SHANK1: variants seen among roughly 807,000 people sequenced by gnomAD.
The protein encoded by SHANK1 is SH3 and multiple ankyrin repeat domains protein 1.
SHANK1 carries 35 observed loss-of-function variants against 165.6 expected under a neutral mutation model. The observed-to-expected ratio is 0.21, with a 90% confidence interval of 0.16 to 0.28. SHANK1 has a LOEUF of 0.28. Among genes scored for constraint, SHANK1 ranks in the 10% least tolerant of loss-of-function variants. The pLI is 1.00. For synonymous variants in SHANK1, 1,428 were observed against 1,384.8 expected (o/e 1.03, Z -0.69); for missense variants, 2,681 against 3,036.4 (o/e 0.88, Z 2.75).
At position 50,697,373 on chromosome 19, in the gene SHANK1, G is replaced by C. The variant is rs1986775261; in HGVS notation, c.1937+216C>G. 6.6e-6 allele frequency among the ~76,000 whole-genome samples: 1 copy of C among 152,158 alleles called. No homozygotes were observed. Among genetic ancestry groups the C allele is most frequent in the Non-Finnish European group, 1.5e-5 (1 of 68,012 alleles). On this transcript the variant is annotated intron_variant, in intron 14 of 23. Transcript: ENST00000293441. The surrounding 1 kb of genome is among the most constrained non-coding windows in gnomAD (Gnocchi z 4.7). ...TGCCCTGACCACCCCGTTGTCTCTG[G>C]CTACCCCAGAGCTGGGCAGTCTTAG...
Position 50,703,549 on chromosome 19 carries a change from G to T in SHANK1, c.1504C>A (p.Arg502=). 6.4e-7 allele frequency: 1 copy of T among 1,552,584 alleles called. No homozygotes were observed. The change falls in exon 11 of 24, where the codon CGA becomes AGA. Residue 502 remains arginine, a synonymous_variant. Transcript: ENST00000293441. ...PRGARARSPS[R]GRHPEDAKRQ... ...TTGGCGTCCTCAGGGTGCCTCCCTC[G>T]GGATGGAGAGCGGGCCCTGGCACCC...
Position 50,668,125 on chromosome 19 carries a change from C to A in SHANK1, c.3835G>T (p.Gly1279Cys). 1 of 1,475,632 alleles carries A rather than the reference C, an allele frequency of 6.8e-7. No homozygotes were observed. Among genetic ancestry groups the A allele is most frequent in the Non-Finnish European group, 8.9e-7 (1 of 1,119,296 alleles). 91.4% of individuals were successfully genotyped at this position (1,475,632 alleles called of 1,614,324 possible). ...GATTTGGAGTGGCGCAGCCGCGGGC[C>A]CGGGGCCGCCCCTGTGCCCAGCCCG... ...DGGLGTGAAP[G>C]PRLRHSKSID... is the part of the protein sequence containing the mutation. The change falls in exon 23 of 24, where the codon GGC becomes TGC. Residue 1279 changes from glycine to cysteine, a missense_variant. Gly to Cys is a radical substitution (Grantham distance 159, BLOSUM62 -3). Around this residue, in one of 10 missense-constraint regions of SHANK1, gnomAD observed 1,713 missense variants for 1,630.2 expected, o/e 1.05. Transcript: ENST00000293441.
intron 8 of SHANK1, among the ~76,000 whole-genome samples, chr19:50,706,404 A>G (rs1196011766): frequency 6.6e-6 from 1 of 151,806 alleles, no homozygotes; most frequent in Non-Finnish European, 1.5e-5. Context: ...ACCCATCATC[A>G]CTTTTTGGGC....
Position 50,669,065 on chromosome 19 carries a change from G to A in SHANK1, c.2895C>T (p.Ser965=), listed in dbSNP as rs1263859323. 1.8e-6 allele frequency: 2 copies of A among 1,119,286 alleles called. No individual in the cohort carries two copies. Among genetic ancestry groups the A allele is most frequent in the East Asian group, 2.6e-5 (1 of 37,856 alleles). 69.3% of individuals were successfully genotyped at this position (1,119,286 alleles called of 1,614,324 possible). ...NPGSGGPLPA[S]SPASFDGPSP... ...AGGGCCCGTCAAAGGATGCAGGGGA[G>A]GAGGCGGGGAGGGGGCCACCAGAGC... The change falls in exon 23 of 24, where the codon TCC becomes TCT. Residue 965 remains serine, a synonymous_variant. Transcript: ENST00000293441.
At position 50,697,556 on chromosome 19, in the gene SHANK1, AG is replaced by A. The variant is rs538638488; in HGVS notation, c.1937+32del. 1.5e-5 allele frequency: 23 copies of A among 1,525,388 alleles called. No homozygotes were observed. The highest frequency in any genetic ancestry group is 2.0e-5 in the Non-Finnish European group (22 of 1,099,438). 94.5% of individuals were successfully genotyped at this position (1,525,388 alleles called of 1,614,324 possible). A position where few individuals can be genotyped will look rare whatever the true frequency, so the allele number is the denominator to read the frequency against. The stretch of plus-strand genomic sequence containing the variant: ...TACATTGTGAAGGGAACTTGGGGTG[AG>A]GGGGGTTGCCCGAGGGTGTAAGGAC... On this transcript the variant is annotated intron_variant, in intron 14 of 23. Coordinates refer to ENST00000293441, the MANE Select transcript of SHANK1 (RefSeq NM_016148.5). This position sits in a 1 kb window ranked among gnomAD's most constrained non-coding sequence, Gnocchi z 4.7.
intron 21 of SHANK1, among the ~76,000 whole-genome samples, chr19:50,681,199 G>A (rs535234759): frequency 2.9e-4 from 44 of 152,160 alleles, no homozygotes; most frequent in Non-Finnish European, 5.6e-4. Flanking sequence ...GACTCAGAGA[G>A]CGGGAAAGAT....
At chr19:50,663,940 C>CTTT (rs3087079) in intron 23 of SHANK1, among the ~76,000 whole-genome samples, 33,106 of 108,726 alleles carry the variant, frequency 0.3, 6,164 homozygotes, top group Non-Finnish European at 0.32. Context: ...CTCTCTCTCT[C>CTTT]TTTTTTTTTT....
chr19:50,693,936 G>T (rs899058985), intron 15 of SHANK1, among the ~76,000 whole-genome samples: 1 of 151,982 alleles, frequency 6.6e-6, no homozygotes, highest in Non-Finnish European at 1.5e-5. Flanking sequence ...AGGGGCCTGT[G>T]GGGGAGGGGT....
intron 15 of SHANK1, among the ~76,000 whole-genome samples, chr19:50,695,410 G>C (rs972792987): frequency 6.7e-5 from 10 of 149,940 alleles, no homozygotes; most frequent in East Asian, 4.0e-4. Context: ...GGGCCGGGCA[G>C]GGGGGAGGGG....
Position 50,666,890 on chromosome 19 carries a change from G to T in SHANK1, c.5070C>A (p.Thr1690=). The T allele has an allele frequency of 6.3e-7, 1 of 1,592,384 alleles. No individual in the cohort carries two copies. Among genetic ancestry groups the T allele is most frequent in the Non-Finnish European group, 8.5e-7 (1 of 1,171,232 alleles). ...SRSSSDHPLE[T]ISSASTLSSL... is the part of the protein sequence containing the mutation. Reference sequence around the variant, plus strand: ...TGCTCAGCGTGGAGGCGCTGCTGATGGTCTCCAGTGGGTGGTCACTGCTGC... The same window carrying T: ...TGCTCAGCGTGGAGGCGCTGCTGATTGTCTCCAGTGGGTGGTCACTGCTGC... Residue 1690 remains threonine, a synonymous_variant, in exon 23 of 24, where the codon ACC becomes ACA. Transcript: ENST00000293441.
At chr19:50,703,063 C>T (rs901703543) in intron 11 of SHANK1, among the ~76,000 whole-genome samples, 4 of 152,090 alleles carry the variant, frequency 2.6e-5, no homozygotes, top group African/African-American at 7.2e-5. Flanking sequence ...GGCTGGCCTT[C>T]GCCTCCTTCT....
Position 50,712,094 on chromosome 19 carries a change from A to G in SHANK1, c.813T>C (p.Gly271=), listed in dbSNP as rs377738661. Residue 271 remains glycine (G), a synonymous_variant, in exon 7 of 24, where the codon GGT becomes GGC. Transcript: ENST00000293441. ...CCCGACGGTCCTTGTAGTTGGGGGA[A>G]CCCCCAAGGTCCAGGAGCGCCTAGG... ...LALTALLDLG[G]SPNYKDRRGL... 1 of 1,604,278 alleles carries G rather than the reference A, an allele frequency of 6.2e-7. No individual in the cohort carries two copies. The highest frequency in any genetic ancestry group is 8.5e-7 in the Non-Finnish European group (1 of 1,175,672).
intron 12 of SHANK1, among the ~76,000 whole-genome samples, chr19:50,701,596 G>A (rs1419970349): frequency 7.9e-6 from 1 of 126,156 alleles, no homozygotes; most frequent in Non-Finnish European, 1.8e-5. Context: ...TTTTACAGAT[G>A]AAGAAACTGA....
rs755431716 is a variant in SHANK1, at chr19:50,702,634, G to C, written c.1580C>G (p.Pro527Arg). The C allele has an allele frequency of 6.3e-7, 1 of 1,579,210 alleles. No homozygotes were observed. The highest frequency in any genetic ancestry group is 8.6e-7 in the Non-Finnish European group (1 of 1,163,864). The stretch of plus-strand genomic sequence containing the variant: ...CCCTGAGCCCCCCGTGCCCCCGGCT[G>C]GCCCTTCCCGGGGTGTCCCGCTGGA... ...PSSSGTPREG[P>R]AGGTGGSGGP... Residue 527 changes from proline (P) to arginine (R), a missense_variant, in exon 12 of 24, where the codon CCA (proline) becomes CGA (arginine). By Grantham distance (103) the Pro-to-Arg change is moderately radical. Transcript: ENST00000293441. This position sits in a 1 kb window ranked among gnomAD's most constrained non-coding sequence, Gnocchi z 5.3.
intron 22 of SHANK1, among the ~76,000 whole-genome samples, chr19:50,671,345 G>A (rs547932918): frequency 6.0e-5 from 9 of 150,120 alleles, no homozygotes; most frequent in Admixed American, 2.7e-4. Context: ...CACCACACCC[G>A]GCTAATTTTT....
chr19:50,687,546 C>T (rs1264591617), intron 19 of SHANK1, 36 bp downstream of exon 19: 2 of 1,520,446 alleles, frequency 1.3e-6, no homozygotes, highest in Non-Finnish European at 1.8e-6. Flanking sequence ...CCCCTCTCCC[C>T]CCGGCCCCCT....
At chr19:50,703,105 C>T (rs1415632846) in intron 11 of SHANK1, among the ~76,000 whole-genome samples, 4 of 152,050 alleles carry the variant, frequency 2.6e-5, no homozygotes, top group South Asian at 2.1e-4. Context: ...GCTTCCTGAC[C>T]CCGGAATGTC....
At chr19:50,709,050 G>A (rs971872544) in intron 8 of SHANK1, among the ~76,000 whole-genome samples, 1 of 152,230 alleles carries the variant, frequency 6.6e-6, no homozygotes. Flanking sequence ...GAGGAATCAA[G>A]TTCGTATGTG....
In SHANK1 at chr19:50,686,219, C is replaced by A; in HGVS notation, c.2577+18G>T. On this transcript the variant is annotated intron_variant, in intron 21 of 23. Coordinates refer to ENST00000293441, the MANE Select transcript of SHANK1 (RefSeq NM_016148.5). The surrounding 1 kb of genome is among the most constrained non-coding windows in gnomAD (Gnocchi z 5.7). ...CCGCCTCCCCCCTGGCAGTTCCTCC[C>A]CACACCAGGCCGCCTACCTCAGTGG... is the stretch of plus-strand genomic sequence containing the variant. 1 of 1,513,976 alleles carries A rather than the reference C, an allele frequency of 6.6e-7. No homozygotes were observed. The highest frequency in any genetic ancestry group is 1.4e-5 in the African/African-American group (1 of 72,148). The allele number at this position is 1,513,976 out of a possible 1,614,324, so 93.8% of individuals were successfully genotyped here. A position where few individuals can be genotyped will look rare whatever the true frequency, so the allele number is the denominator to read the frequency against.
Sources: allele counts gnomAD v4.1 joint callset (sites outside exome capture counted in the v4.1 genomes callset), GRCh38; gene constraint gnomAD v4.1.1; regional missense constraint gnomAD v4.1.1; non-coding constraint Gnocchi (gnomAD v3.1); transcripts MANE v1.5; gene names NCBI Gene and HGNC (gene_info 2026-07-23, HGNC 2026-07-21).